NAALADL2: variants seen among roughly 807,000 people sequenced by gnomAD.
NAALADL2 encodes inactive N-acetylated-alpha-linked acidic dipeptidase-like protein 2.
NAALADL2 carries 76 observed loss-of-function variants against 87.2 expected under a neutral mutation model. The ratio of observed to expected loss-of-function variants is 0.87; its 90% CI spans 0.72 to 1.05. The LOEUF (loss-of-function observed/expected upper bound fraction) is 1.05, where lower values mean the gene tolerates loss of function less well. Among genes scored for constraint, NAALADL2 ranks in the 50% least tolerant of loss-of-function variants. NAALADL2 has a pLI of 0.00. For synonymous variants in NAALADL2, 354 were observed against 331.0 expected (o/e 1.07, Z -0.75); for missense variants, 1,089 against 945.8 (o/e 1.15, Z -1.99).
rs1553802465 is a variant in NAALADL2 at position 175,181,718 on chromosome 3, T to TGTGTGTATGC, written c.546-52213_546-52212insGTGTGTATGC. Among the ~76,000 whole-genome samples, 201 of 72,394 alleles carry TGTGTGTATGC rather than the reference T, an allele frequency of 2.8e-3. 2 individuals are homozygous for TGTGTGTATGC. The highest frequency in any genetic ancestry group is 8.7e-3 in the African/African-American group (190 of 21,744). The allele number at this position is 72,394 out of a possible 152,430, so 47.5% of individuals were successfully genotyped here. A position where few individuals can be genotyped will look rare whatever the true frequency, so the allele number is the denominator to read the frequency against. ...ATATATATATATGTGTGTGTGTGTGTATATATATGTATATATGTGTATATA... is the reference window on the plus strand; with the variant it reads ...ATATATATATATGTGTGTGTGTGTGTGTGTGTATGCATATATATGTATATATGTGTATATA... On this transcript the variant is annotated intron_variant, in intron 2 of 13. Transcript: ENST00000454872.
chr3:174,942,954 GTT>G (rs894219919), intron 1 of NAALADL2, among the ~76,000 whole-genome samples: 2 of 152,128 alleles, frequency 1.3e-5, no homozygotes, highest in African/African-American at 4.8e-5. Flanking sequence ...GTGATTCTGA[GTT>G]TCTTTGGATT....
chr3:175,577,454 A>T (rs542359896), intron 10 of NAALADL2, among the ~76,000 whole-genome samples: 1 of 152,198 alleles, frequency 6.6e-6, no homozygotes, highest in Non-Finnish European at 1.5e-5. Flanking sequence ...AAACACATTT[A>T]TCAGGCTGAG....
chr3:174,933,321 C>A (rs538333624), intron 1 of NAALADL2, among the ~76,000 whole-genome samples: 125 of 152,250 alleles, frequency 8.2e-4, no homozygotes, highest in Non-Finnish European at 1.4e-3. Context: ...AGATTCTTGA[C>A]TATTGAGATG....
chr3:174,523,477 C>T (rs1433973258), intron 1 of NAALADL2: 1 of 152,168 alleles, frequency 6.6e-6, no homozygotes, highest in African/African-American at 2.4e-5. Context: ...TGATGGTTAA[C>T]ATGAATATTC....
intron 3 of NAALADL2, among the ~76,000 whole-genome samples, chr3:174,814,472 A>G (rs766373587): frequency 2.6e-5 from 4 of 152,128 alleles, no homozygotes; most frequent in Non-Finnish European, 4.4e-5. Flanking sequence ...ATCTTTATAT[A>G]TGAAATAATA....
chr3:174,787,608 T>TATATAC (rs1553855471), intron 3 of NAALADL2, among the ~76,000 whole-genome samples: 1 of 109,342 alleles, frequency 9.1e-6, no homozygotes, highest in Non-Finnish European at 2.0e-5. Context: ...TATATATATA[T>TATATAC]ATATATATAT....
chr3:174,727,970 C>A (rs1422684245), intron 2 of NAALADL2, among the ~76,000 whole-genome samples: 1 of 152,078 alleles, frequency 6.6e-6, no homozygotes, highest in Non-Finnish European at 1.5e-5. Flanking sequence ...TGGGATCATA[C>A]TTTGTAGCCT....
intron 3 of NAALADL2, among the ~76,000 whole-genome samples, chr3:174,844,447 CT>C (rs1448851505): frequency 1.3e-5 from 2 of 151,968 alleles, no homozygotes; most frequent in Non-Finnish European, 2.9e-5. Context: ...CAGCTTTGTT[CT>C]TTTTCTGTTT....
intron 2 of NAALADL2, among the ~76,000 whole-genome samples, chr3:174,707,633 C>T (rs2108903133): frequency 9.6e-6 from 1 of 104,482 alleles, no homozygotes; most frequent in East Asian, 2.7e-4. Context: ...ACATCACACA[C>T]TGGGGCCTGT....
At chr3:174,515,403 G>A (rs766499216) in intron 1 of NAALADL2, among the ~76,000 whole-genome samples, 1 of 151,952 alleles carries the variant, frequency 6.6e-6, no homozygotes, top group African/African-American at 2.4e-5. Flanking sequence ...AGGATAAAAC[G>A]AAATGGTGTC....
At chr3:175,306,706 C>T (rs533303691) in intron 4 of NAALADL2, among the ~76,000 whole-genome samples, 4 of 152,094 alleles carry the variant, frequency 2.6e-5, no homozygotes, top group African/African-American at 4.8e-5. Flanking sequence ...ATTAGCCAGG[C>T]GTGGTGGTGC....
At chr3:175,789,829 A>T (rs749243399) in intron 13 of NAALADL2, among the ~76,000 whole-genome samples, 6 of 152,198 alleles carry the variant, frequency 3.9e-5, no homozygotes, top group Non-Finnish European at 8.8e-5. Flanking sequence ...TTCAGATAGT[A>T]CCACACATCT....
intron 9 of NAALADL2, among the ~76,000 whole-genome samples, chr3:175,481,155 A>G (rs927467327): frequency 6.6e-6 from 1 of 151,962 alleles, no homozygotes; most frequent in African/African-American, 2.4e-5. Context: ...TGAACAATAT[A>G]TGGGAATTCA....
chr3:175,718,667 A>T, intron 11 of NAALADL2: 1 of 1,569,280 alleles, frequency 6.4e-7, no homozygotes, highest in Non-Finnish European at 8.7e-7. Context: ...GGTGGCTGCC[A>T]TCTTGCGTTT....
intron 5 of NAALADL2, among the ~76,000 whole-genome samples, chr3:175,377,220 G>A (rs146876907): frequency 7.8e-4 from 119 of 152,170 alleles, no homozygotes; most frequent in Non-Finnish European, 1.5e-3. Context: ...GCTAAGGCTC[G>A]AGAATCGAAT....
At chr3:175,680,677 G>A (rs1413428435) in intron 11 of NAALADL2, among the ~76,000 whole-genome samples, 1 of 152,168 alleles carries the variant, frequency 6.6e-6, no homozygotes, top group African/African-American at 2.4e-5. Context: ...GCATTTCTGA[G>A]CCAAGGCCAA....
chr3:175,437,756 T>C (rs1443680050), intron 5 of NAALADL2, among the ~76,000 whole-genome samples: 3 of 152,084 alleles, frequency 2.0e-5, no homozygotes, highest in Admixed American at 6.6e-5. Flanking sequence ...AACAGAGATA[T>C]AGATCAATGT....
At chr3:175,564,841 A>C (rs1716850734) in intron 9 of NAALADL2, among the ~76,000 whole-genome samples, 1 of 152,166 alleles carries the variant, frequency 6.6e-6, no homozygotes, top group Non-Finnish European at 1.5e-5. Flanking sequence ...TTTAGATATG[A>C]TCAGAGTACA....
intron 11 of NAALADL2, among the ~76,000 whole-genome samples, chr3:175,637,705 T>A (rs1385157701): frequency 6.6e-6 from 1 of 152,224 alleles, no homozygotes; most frequent in Non-Finnish European, 1.5e-5. Context: ...GCTGGTGCCA[T>A]GCTTCTTGTA....
Sources: allele counts gnomAD v4.1 joint callset (sites outside exome capture counted in the v4.1 genomes callset), GRCh38; gene constraint gnomAD v4.1.1; transcripts MANE v1.5; gene names NCBI Gene and HGNC (gene_info 2026-07-23, HGNC 2026-07-21).